TEAD1: variants seen among roughly 807,000 people sequenced by gnomAD.
The protein encoded by TEAD1 is TEA domain transcription factor 1.
In TEAD1, 9 loss-of-function variants were observed where a neutral mutation model predicts 54.9. That is an observed-to-expected ratio of 0.16 (90% confidence interval 0.10 to 0.29). TEAD1 has a LOEUF of 0.29. Ranked by LOEUF, TEAD1 falls within the 10% of genes least tolerant of loss-of-function variation. TEAD1 has a pLI of 1.00. For missense variants in TEAD1, 387 were observed against 535.9 expected (o/e 0.72, Z 2.74); for synonymous variants, 200 against 187.8 (o/e 1.07, Z -0.53).
chr11:12,773,399 A>G (rs3915398), intron 3 of TEAD1, among the ~76,000 whole-genome samples: 18,880 of 152,176 alleles, frequency 0.12, 1,447 homozygotes, highest in South Asian at 0.39. Context: ...CTCACCTGCA[A>G]TCTAGTTTCT....
intron 2 of TEAD1, among the ~76,000 whole-genome samples, chr11:12,682,279 A>T (rs547564202): frequency 6.6e-6 from 1 of 152,350 alleles, no homozygotes; most frequent in East Asian, 1.9e-4. Context: ...GCCTGCACAA[A>T]ACTAAGGTCT....
intron 3 of TEAD1, among the ~76,000 whole-genome samples, chr11:12,806,206 G>GC (rs1324300886): frequency 6.6e-6 from 1 of 152,082 alleles, no homozygotes; most frequent in Non-Finnish European, 1.5e-5. Context: ...AAATTTAGAG[G>GC]CCTGCCCCCT....
At chr11:12,866,201 A>G (rs1947612148) in intron 5 of TEAD1, among the ~76,000 whole-genome samples, 2 of 152,184 alleles carry the variant, frequency 1.3e-5, no homozygotes, top group African/African-American at 4.8e-5. Flanking sequence ...TACTCTCTAT[A>G]TGGATGTAAC....
At chr11:12,731,652 C>T (rs1177811079) in intron 2 of TEAD1, among the ~76,000 whole-genome samples, 1 of 152,138 alleles carries the variant, frequency 6.6e-6, no homozygotes, top group Non-Finnish European at 1.5e-5. Flanking sequence ...ATAAACCATG[C>T]TGTAATAAAT....
rs954774180 is a variant in TEAD1, at chr11:12,942,346, C to T, written c.*5124C>T. On this transcript the variant is annotated 3_prime_UTR_variant, in exon 13 of 13. Transcript: ENST00000527636. ...GTTTACCGGGATGAGTAACCAACCA[C>T]AGGCCTCTGTTCACAAGAGCACGAC... The T allele has an allele frequency of 6.6e-6, 1 of 152,414 alleles. No homozygotes were observed. The highest frequency in any genetic ancestry group is 2.4e-5 in the African/African-American group (1 of 41,454). 9.4% of individuals were successfully genotyped at this position (152,414 alleles called of 1,614,324 possible).
At chr11:12,823,683 C>A (rs1251656898) in intron 3 of TEAD1, 1 of 152,184 alleles carries the variant, frequency 6.6e-6, no homozygotes, top group African/African-American at 2.4e-5. Flanking sequence ...AGGTGCAAAG[C>A]TGGGATATGC....
rs1554942771 is a variant in TEAD1, at chr11:12,857,613, T to TGTGTGTGTGTGTG, written c.203-4637_203-4636insGTGTGTGTGTGTG. On this transcript the variant is annotated intron_variant, in intron 3 of 12. Transcript: ENST00000527636. ...GTGTGTGTGTGTGTGTGTGTGTGTG[T>TGTGTGTGTGTGTG]TAGAAGATCATGGCTGCAACAGGAC... 4.6e-5 allele frequency among the ~76,000 whole-genome samples: 7 copies of TGTGTGTGTGTGTG among 151,216 alleles called. 1 individual carries two copies. The East Asian group carries it at 5.8e-4, about 13-fold the overall frequency.
At chr11:12,867,434 G>A (rs1359430468) in intron 5 of TEAD1, among the ~76,000 whole-genome samples, 1 of 152,180 alleles carries the variant, frequency 6.6e-6, no homozygotes, top group African/African-American at 2.4e-5. Flanking sequence ...ACATGGTCCT[G>A]GAGACAGAGC....
In TEAD1 at chr11:12,783,136, G is replaced by A. The variant is rs549054281; in HGVS notation, c.202+18702G>A. Among the ~76,000 whole-genome samples, 401 of 147,286 alleles carry A rather than the reference G, an allele frequency of 2.7e-3. 2 individuals are homozygous for A. The highest frequency in any genetic ancestry group is 3.5e-3 in the Middle Eastern group (1 of 288). ...TGTGTGTGTGTGTGTGTGTGTGTGC[G>A]CGCACTTTCTTTTTAAATCACTGTA... On this transcript the variant is annotated intron_variant, in intron 3 of 12. Coordinates refer to ENST00000527636, the MANE Select transcript of TEAD1 (RefSeq NM_021961.6).
chr11:12,882,881 G>A (rs1453122349), intron 8 of TEAD1, 120 bp from the exon 9 acceptor site: 7 of 1,459,244 alleles, frequency 4.8e-6, no homozygotes, highest in Non-Finnish European at 6.7e-6. Context: ...GGCCAGAGCC[G>A]GTGGAGAGGG....
chr11:12,689,615 G>A (rs1028544943), intron 2 of TEAD1, among the ~76,000 whole-genome samples: 14 of 152,176 alleles, frequency 9.2e-5, no homozygotes, highest in African/African-American at 3.1e-4. Context: ...AGAGTGCCAA[G>A]TACCTCTTCT....
At chr11:12,679,141 G>A (rs375547395) in intron 2 of TEAD1, among the ~76,000 whole-genome samples, 22 of 152,192 alleles carry the variant, frequency 1.4e-4, no homozygotes, top group African/African-American at 5.3e-4. Flanking sequence ...TGGTGGTGGT[G>A]GTGGGGAGTA....
At position 12,778,122 on chromosome 11, in the gene TEAD1, A is replaced by G. The variant is rs188376157; in HGVS notation, c.202+13688A>G. Among the ~76,000 whole-genome samples, 569 of 152,322 alleles carry G rather than the reference A, an allele frequency of 3.7e-3. 4 individuals are homozygous for G. Among genetic ancestry groups the G allele is most frequent in the African/African-American group, 0.013 (543 of 41,576 alleles). ...TTATGAATAGCTACTATTATCTTAC[A>G]TTACAGATGAGGAAACCATGGCCTA... is the stretch of plus-strand genomic sequence containing the variant. On this transcript the variant is annotated intron_variant, in intron 3 of 12. Transcript: ENST00000527636.
intron 9 of TEAD1, among the ~76,000 whole-genome samples, chr11:12,883,653 T>C (rs1331252737): frequency 6.6e-6 from 1 of 152,204 alleles, no homozygotes; most frequent in Non-Finnish European, 1.5e-5. Context: ...TTAGCTGTTA[T>C]TCCATACTCT....
chr11:12,873,095 GGT>G (rs2134084719), intron 5 of TEAD1, among the ~76,000 whole-genome samples: 1 of 152,302 alleles, frequency 6.6e-6, no homozygotes, highest in African/African-American at 2.4e-5. Flanking sequence ...TCCAGGATGA[GGT>G]TCATTTTCCT....
At chr11:12,797,329 G>A (rs2133970543) in intron 3 of TEAD1, among the ~76,000 whole-genome samples, 1 of 152,298 alleles carries the variant, frequency 6.6e-6, no homozygotes, top group African/African-American at 2.4e-5. Context: ...CACAGAATGT[G>A]GGGAAGGGGC....
Position 12,674,699 on chromosome 11 carries a change from G to A in TEAD1, c.-343G>A, listed in dbSNP as rs1199617600. On this transcript the variant is annotated 5_prime_UTR_variant, in exon 1 of 13. Transcript: ENST00000527636. ...CAGCCGGCCCCGGGGCAGGAGCGGT[G>A]CTAGGCAGGGGTGGGGTGGCCGGGC... is the stretch of plus-strand genomic sequence containing the variant. 2.0e-5 allele frequency: 3 copies of A among 151,308 alleles called. No homozygotes were observed. The highest frequency in any genetic ancestry group is 4.4e-5 in the Non-Finnish European group (3 of 67,946). 9.4% of individuals were successfully genotyped at this position (151,308 alleles called of 1,614,324 possible).
chr11:12,889,727 T>C (rs1324968717), intron 9 of TEAD1, among the ~76,000 whole-genome samples: 1 of 152,188 alleles, frequency 6.6e-6, no homozygotes, highest in Non-Finnish European at 1.5e-5. Context: ...TTTTTATTTT[T>C]ATTTTTTTAA....
At chr11:12,744,135 A>G (rs1051724210) in intron 2 of TEAD1, among the ~76,000 whole-genome samples, 1 of 152,202 alleles carries the variant, frequency 6.6e-6, no homozygotes, top group African/African-American at 2.4e-5. Flanking sequence ...GCGTTTGGAC[A>G]GTGTCACATT....
Sources: allele counts gnomAD v4.1 joint callset (sites outside exome capture counted in the v4.1 genomes callset), GRCh38; gene constraint gnomAD v4.1.1; transcripts MANE v1.5; gene names NCBI Gene and HGNC (gene_info 2026-07-23, HGNC 2026-07-21).